ZNF395: variants seen among roughly 807,000 people sequenced by gnomAD.
ZNF395 encodes the protein HD gene regulatory region-binding protein 2.
A neutral mutation model predicts 57.7 loss-of-function variants in ZNF395; 20 were observed. The observed-to-expected ratio is 0.35, with a 90% CI of 0.24 to 0.50. ZNF395 has a LOEUF of 0.50. ZNF395 is among the 20% of genes least tolerant of loss of function. ZNF395 has a pLI of 0.97. For synonymous variants in ZNF395, 295 were observed against 275.9 expected (o/e 1.07, Z -0.69); for missense variants, 606 against 671.2 (o/e 0.90, Z 1.07).
At chr8:28,373,191 GC>G (rs1801997513) in intron 1 of ZNF395, among the ~76,000 whole-genome samples, 1 of 152,174 alleles carries the variant, frequency 6.6e-6, no homozygotes, top group African/African-American at 2.4e-5. Context: ...CTGCAAAGGG[GC>G]CTCTGCCTCT....
intron 1 of ZNF395, chr8:28,375,488 T>G (rs1483050379): frequency 6.6e-6 from 1 of 151,846 alleles, no homozygotes. Context: ...GTACTTCTGG[T>G]TGGGGGTGGG....
chr8:28,381,014 A>AATGTGTGTGTGT (rs1802101984), intron 1 of ZNF395, among the ~76,000 whole-genome samples: 2 of 134,212 alleles, frequency 1.5e-5, no homozygotes, highest in Non-Finnish European at 3.2e-5. Context: ...ACACCCTGCT[A>AATGTGTGTGTGT]GTGTGTGTGT....
intron 1 of ZNF395, among the ~76,000 whole-genome samples, chr8:28,378,985 T>C (rs1358457110): frequency 6.6e-6 from 1 of 152,246 alleles, no homozygotes; most frequent in African/African-American, 2.4e-5. Context: ...GCATGATCGC[T>C]GATCATTCTA....
intron 4 of ZNF395, among the ~76,000 whole-genome samples, chr8:28,354,801 C>T (rs1002563351): frequency 2.6e-5 from 4 of 151,106 alleles, no homozygotes; most frequent in Admixed American, 1.3e-4. Flanking sequence ...GAAAGACCCA[C>T]GCACATCCAC....
chr8:28,361,999 G>C (rs113633494), intron 1 of ZNF395, among the ~76,000 whole-genome samples: 3,453 of 151,500 alleles, frequency 0.023, 136 homozygotes, highest in African/African-American at 0.08. Flanking sequence ...GCTGAGACAG[G>C]AGAATTGCTT....
Position 28,351,350 on chromosome 8 carries a change from G to GGTTTCCTTTT in ZNF395, c.1233+135_1233+144dup, listed in dbSNP as rs1235210299. 4.8e-6 allele frequency: 4 copies of GGTTTCCTTTT among 824,904 alleles called. No homozygotes were observed. The African/African-American group carries it at 6.8e-5, about 14-fold the overall frequency. The allele number at this position is 824,904 out of a possible 1,614,324, so 51.1% of individuals were successfully genotyped here. ...CCCACATTTATTGAGCAGTGAATTC[G>GGTTTCCTTTT]GTTTCCTTTTGTTTCCTTGTAGAAG... is the stretch of plus-strand genomic sequence containing the variant. On this transcript the variant is annotated intron_variant, in intron 7 of 9. Coordinates refer to ENST00000344423, the MANE Select transcript of ZNF395 (RefSeq NM_018660.3).
At chr8:28,384,596 C>T (rs1168171136) in intron 1 of ZNF395, among the ~76,000 whole-genome samples, 2 of 152,216 alleles carry the variant, frequency 1.3e-5, no homozygotes, top group African/African-American at 4.8e-5. Context: ...TGTCTCCTCT[C>T]TCCCCGAGAC....
intron 5 of ZNF395, 50 bp downstream of exon 5, chr8:28,353,123 A>C: frequency 6.3e-7 from 1 of 1,582,756 alleles, no homozygotes. Flanking sequence ...GTCCCCACAC[A>C]GACATCATCC....
Position 28,352,809 on chromosome 8 carries a change from G to A in ZNF395, c.820-136C>T. The A allele has an allele frequency of 1.4e-6, 1 of 694,798 alleles. No individual in the cohort carries two copies. The highest frequency in any genetic ancestry group is 2.7e-5 in the Admixed American group (1 of 36,658). 43.0% of individuals were successfully genotyped at this position (694,798 alleles called of 1,614,324 possible). A position where few individuals can be genotyped will look rare whatever the true frequency, so the allele number is the denominator to read the frequency against. ...AACCTCCAGGAAAGGGGTTCTCTGG[G>A]ACCAGAGAAACTTACAACCAGGGGC... On this transcript the variant is annotated intron_variant, in intron 5 of 9. Coordinates refer to ENST00000344423, the MANE Select transcript of ZNF395 (RefSeq NM_018660.3). This position sits in a 1 kb window ranked among gnomAD's most constrained non-coding sequence, Gnocchi z 4.0.
At chr8:28,367,898 C>T (rs1801930136) in intron 1 of ZNF395, among the ~76,000 whole-genome samples, 1 of 152,154 alleles carries the variant, frequency 6.6e-6, no homozygotes, top group Admixed American at 6.5e-5. Context: ...CAAGAGCATT[C>T]GAACTTGCTT....
chr8:28,381,293 A>G (rs899851020), intron 1 of ZNF395, among the ~76,000 whole-genome samples: 1 of 152,096 alleles, frequency 6.6e-6, no homozygotes, highest in South Asian at 2.1e-4. Flanking sequence ...CGCCCGCCTC[A>G]GCCTCCCAAA....
chr8:28,364,368 T>C (rs1399982432), intron 1 of ZNF395, among the ~76,000 whole-genome samples: 1 of 152,154 alleles, frequency 6.6e-6, no homozygotes, highest in Non-Finnish European at 1.5e-5. Context: ...AAATAGCTCC[T>C]GGACAGGTGC....
chr8:28,375,812 A>G (rs1802033819), intron 1 of ZNF395, among the ~76,000 whole-genome samples: 1 of 152,158 alleles, frequency 6.6e-6, no homozygotes. Context: ...ACAGCACACC[A>G]AGAGCAATTC....
chr8:28,382,096 A>C, intron 1 of ZNF395, among the ~76,000 whole-genome samples: 1 of 152,164 alleles, frequency 6.6e-6, no homozygotes, highest in Admixed American at 6.5e-5. Context: ...GTCGCAAAGC[A>C]AAACGCCTAC....
In ZNF395 at chr8:28,352,907, G is replaced by A. The variant is rs1358595587; in HGVS notation, c.820-234C>T. On this transcript the variant is annotated intron_variant, in intron 5 of 9. Coordinates refer to ENST00000344423, the MANE Select transcript of ZNF395 (RefSeq NM_018660.3). The surrounding 1 kb of genome is among the most constrained non-coding windows in gnomAD (Gnocchi z 4.0). ...TCCATGCTGTGGCTAAGACCCTACT[G>A]GAGGCCTCTCCCACGCAGACCTCTG... 6.6e-6 allele frequency among the ~76,000 whole-genome samples: 1 copy of A among 152,194 alleles called. No homozygotes were observed. The highest frequency in any genetic ancestry group is 2.4e-5 in the African/African-American group (1 of 41,450).
In ZNF395 at chr8:28,361,128, G is replaced by T; in HGVS notation, c.-4C>A. On this transcript the variant is annotated 5_prime_UTR_variant, in exon 2 of 10. Transcript: ENST00000344423. ...GTCGGGACAGGACACTCGCCATGCT[G>T]CTGCCTCTCCTCTCCTGCGGAGGCG... The T allele has an allele frequency of 6.2e-7, 1 of 1,611,494 alleles. No individual in the cohort carries two copies.
intron 1 of ZNF395, among the ~76,000 whole-genome samples, chr8:28,364,809 C>T (rs1052798187): frequency 3.3e-5 from 5 of 152,206 alleles, no homozygotes; most frequent in Non-Finnish European, 5.9e-5. Context: ...AAAGTCTACA[C>T]ATCCATTTTC....
chr8:28,376,987 T>G (rs1281427415), intron 1 of ZNF395, among the ~76,000 whole-genome samples: 1 of 152,208 alleles, frequency 6.6e-6, no homozygotes, highest in African/African-American at 2.4e-5. Flanking sequence ...TCTTACAATA[T>G]TCTCCAAAGA....
intron 3 of ZNF395, among the ~76,000 whole-genome samples, chr8:28,358,151 C>CTTATTTT (rs1801804345): frequency 9.9e-6 from 1 of 101,128 alleles, no homozygotes; most frequent in Non-Finnish European, 2.0e-5. Context: ...TCTTTTTTTT[C>CTTATTTT]TTTTTTTTTT....
Sources: allele counts gnomAD v4.1 joint callset (sites outside exome capture counted in the v4.1 genomes callset), GRCh38; gene constraint gnomAD v4.1.1; non-coding constraint Gnocchi (gnomAD v3.1); transcripts MANE v1.5; gene names NCBI Gene and HGNC (gene_info 2026-07-23, HGNC 2026-07-21).